Variants in RAG1 observed in about 807,000 individuals in gnomAD.
RAG1 encodes recombination activating 1.
A neutral mutation model predicts 62.7 loss-of-function variants in RAG1; 35 were observed. That is an observed-to-expected ratio of 0.56 (90% CI 0.43 to 0.74). The LOEUF (loss-of-function observed/expected upper bound fraction) is 0.74, where lower values mean the gene tolerates loss of function less well. RAG1 is among the 30% of genes least tolerant of loss of function. The pLI, the probability that RAG1 is intolerant of heterozygous loss-of-function variation, is 0.00. For missense variants in RAG1, 1,169 were observed against 1,278.6 expected (o/e 0.91, Z 1.31); for synonymous variants, 461 against 470.3 (o/e 0.98, Z 0.26).
chr11:36,550,257 G>C (rs909683657), intron 3 of RAG1, among the ~76,000 whole-genome samples: 4 of 151,868 alleles, frequency 2.6e-5, no homozygotes, highest in African/African-American at 9.7e-5. Context: ...GAACTTAAAA[G>C]TATAATAATA....
At chr11:36,568,236 A>G (rs1256950656) in intron 1 of RAG1, 114 bp downstream of exon 1, 6 of 152,300 alleles carry the variant, frequency 3.9e-5, no homozygotes, top group African/African-American at 1.4e-4. Flanking sequence ...TGGAATGAGC[A>G]AAGCTACATC....
At chr11:36,535,851 T>A (rs2133259724) in intron 2 of RAG1, 1 of 150,186 alleles carries the variant, frequency 6.7e-6, no homozygotes, top group Admixed American at 6.6e-5. Context: ...ATTTATAGTC[T>A]TTTTTTTGTT....
intron 3 of RAG1, among the ~76,000 whole-genome samples, chr11:36,547,100 G>A (rs1850405424): frequency 2.0e-5 from 3 of 151,492 alleles, no homozygotes. Context: ...TTGAATGTTG[G>A]CCTGTCATGC....
At chr11:36,531,025 A>G (rs1860245302) in intron 2 of RAG1, among the ~76,000 whole-genome samples, 1 of 150,330 alleles carries the variant, frequency 6.7e-6, no homozygotes, top group Admixed American at 6.7e-5. Flanking sequence ...GTGCATACAC[A>G]TTTAGAATTG....
intron 3 of RAG1, among the ~76,000 whole-genome samples, chr11:36,547,719 C>T (rs551358856): frequency 2.6e-5 from 4 of 152,296 alleles, no homozygotes; most frequent in African/African-American, 9.6e-5. Context: ...GGTGTCATTC[C>T]TTCTGAAACT....
chr11:36,573,641 A>G lies in RAG1; in HGVS notation c.337A>G (p.Ile113Val), dbSNP rs2133293304. Reference sequence around the variant, plus strand: ...AGCCAACCTTCGACATCTCTGCCGCATCTGTGGGAATTCTTTTAGAGCTGA... The same window carrying G: ...AGCCAACCTTCGACATCTCTGCCGCGTCTGTGGGAATTCTTTTAGAGCTGA... ...HQANLRHLCR[I>V]CGNSFRADEH... The change falls in exon 2 of 2, where the codon ATC becomes GTC. Residue 113 changes from isoleucine (I) to valine (V), a missense_variant. By Grantham distance (29) the Ile-to-Val change is conservative (BLOSUM62 3). Transcript: ENST00000299440. 6.2e-7 allele frequency: 1 copy of G among 1,614,188 alleles called. No homozygotes were observed. The highest frequency in any genetic ancestry group is 8.5e-7 in the Non-Finnish European group (1 of 1,180,034).
In RAG1 at chr11:36,574,213, T is replaced by C. The variant is rs1850798361; in HGVS notation, c.909T>C (p.Pro303=). 2 of 1,614,202 alleles carry C rather than the reference T, an allele frequency of 1.2e-6. No homozygotes were observed. The highest frequency in any genetic ancestry group is 1.7e-6 in the Non-Finnish European group (2 of 1,180,038). The part of the protein sequence containing the change: ...CQICEHILAD[P]VETNCKHVFC... Reference sequence around the variant, plus strand: ...TCTGTGAACACATTCTGGCTGACCCTGTGGAGACCAACTGTAAGCATGTCT... The same window carrying C: ...TCTGTGAACACATTCTGGCTGACCCCGTGGAGACCAACTGTAAGCATGTCT... The change falls in exon 2 of 2, where the codon CCT becomes CCC. Residue 303 remains proline (P), a synonymous_variant. Transcript: ENST00000299440.
chr11:36,523,835 C>T lies in RAG1; in HGVS notation n.428+3606C>T, dbSNP rs141474017. ...CATTTATGCTTTACTCGGTTTCTAC[C>T]AATGGTAACATCATGCAAAACTGTA... On this transcript the variant is annotated intron_variant and non_coding_transcript_variant, in intron 2 of 2. Transcript: ENST00000529126. Among the ~76,000 whole-genome samples the T allele has an allele frequency of 6.1e-4, 93 of 152,142 alleles. No homozygotes were observed. In the East Asian group the frequency reaches 0.017, roughly 28 times the overall value.
chr11:36,569,862 G>A (rs988720344), intron 1 of RAG1, among the ~76,000 whole-genome samples: 14 of 152,010 alleles, frequency 9.2e-5, no homozygotes, highest in Admixed American at 5.9e-4. Context: ...AAATACAAAC[G>A]TATCTACATA....
intron 3 of RAG1, among the ~76,000 whole-genome samples, chr11:36,541,734 G>A (rs1299465572): frequency 6.6e-6 from 1 of 152,092 alleles, no homozygotes; most frequent in Non-Finnish European, 1.5e-5. Flanking sequence ...TAATATAAAA[G>A]CGTGCTAGCC....
chr11:36,535,492 C>T (rs1225424682), intron 2 of RAG1, among the ~76,000 whole-genome samples: 1 of 151,948 alleles, frequency 6.6e-6, no homozygotes, highest in Non-Finnish European at 1.5e-5. Context: ...TGTGATAATC[C>T]CAGCATTTTG....
chr11:36,541,003 A>C (rs1408970606), downstream of RAG1, among the ~76,000 whole-genome samples: 1 of 152,146 alleles, frequency 6.6e-6, no homozygotes, highest in Non-Finnish European at 1.5e-5. Flanking sequence ...GCCCTCTCCC[A>C]ACAGACATGA....
chr11:36,529,532 A>G (rs2554017), intron 2 of RAG1, among the ~76,000 whole-genome samples: 25,111 of 152,142 alleles, frequency 0.17, 2,347 homozygotes, highest in African/African-American at 0.26. Context: ...CTCACAGCCA[A>G]TATCATACTG....
intron 3 of RAG1, among the ~76,000 whole-genome samples, chr11:36,562,966 C>T (rs1431853126): frequency 6.6e-6 from 1 of 152,100 alleles, no homozygotes; most frequent in Admixed American, 6.5e-5. Flanking sequence ...AGACAACTGC[C>T]TTCTTACTGT....
chr11:36,546,282 T>A (rs1162894957), intron 3 of RAG1, among the ~76,000 whole-genome samples: 1 of 152,236 alleles, frequency 6.6e-6, no homozygotes, highest in African/African-American at 2.4e-5. Context: ...CATATATATT[T>A]AGGATAGTTA....
At position 36,574,686 on chromosome 11, in the gene RAG1, A is replaced by C; in HGVS notation, c.1382A>C (p.Lys461Thr). ...GAGCTGGAGGCCATCATGCAGGGAA[A>C]GGGCTCTGGCCTGCAGCCAGCTGTT... ...ADELEAIMQG[K>T]GSGLQPAVCL... is the part of the protein sequence containing the mutation. Residue 461 changes from lysine to threonine, a missense_variant, in exon 2 of 2, where the codon AAG becomes ACG. By Grantham distance (78) the Lys-to-Thr change is moderately conservative. Transcript: ENST00000299440. The C allele has an allele frequency of 6.2e-7, 1 of 1,614,230 alleles. No homozygotes were observed. The highest frequency in any genetic ancestry group is 8.5e-7 in the Non-Finnish European group (1 of 1,180,042).
intron 2 of RAG1, among the ~76,000 whole-genome samples, chr11:36,535,373 C>T (rs1337930587): frequency 6.6e-6 from 1 of 151,958 alleles, no homozygotes; most frequent in Non-Finnish European, 1.5e-5. Context: ...AAGAAGTTGT[C>T]AGCATTTTTA....
chr11:36,573,957 G>A lies in RAG1; in HGVS notation c.653G>A (p.Arg218His), dbSNP rs202178215. ...TPSCDICNTA[R>H]RGLKRKSLQP... ...TCCTGTGACATCTGCAACACTGCCCGTCGGGGACTCAAGAGGAAGAGTCTT... is the reference window on the plus strand; with the variant it reads ...TCCTGTGACATCTGCAACACTGCCCATCGGGGACTCAAGAGGAAGAGTCTT... The change falls in exon 2 of 2, where the codon CGT becomes CAT. Residue 218 changes from arginine (R) to histidine (H), a missense_variant. Transcript: ENST00000299440. 1.5e-4 allele frequency: 245 copies of A among 1,614,098 alleles called. No individual in the cohort carries two copies. The highest frequency in any genetic ancestry group is 1.8e-4 in the Admixed American group (11 of 60,018).
At chr11:36,566,095 G>A (rs1007991106), upstream of RAG1, among the ~76,000 whole-genome samples, 3 of 152,198 alleles carry the variant, frequency 2.0e-5, no homozygotes, top group African/African-American at 7.2e-5. Context: ...GAGAGAGAGA[G>A]AGAGAGAAAG....
Sources: allele counts gnomAD v4.1 joint callset (sites outside exome capture counted in the v4.1 genomes callset), GRCh38; gene constraint gnomAD v4.1.1; transcripts MANE v1.5; gene names NCBI Gene and HGNC (gene_info 2026-07-23, HGNC 2026-07-21).